Variants in PRKCE observed in about 807,000 individuals in gnomAD.
The protein encoded by PRKCE is protein kinase C epsilon type.
Under a neutral mutation model 85.4 loss-of-function variants are expected in PRKCE, and 16 were observed. The observed-to-expected ratio is 0.19, with a 90% CI of 0.13 to 0.28. PRKCE has a LOEUF of 0.28. Ranked by LOEUF, PRKCE falls within the 10% of genes least tolerant of loss-of-function variation. PRKCE has a pLI of 1.00. For missense variants in PRKCE, 573 were observed against 975.2 expected, an observed-to-expected ratio of 0.59 and a Z score of 5.49; for synonymous variants, 388 against 371.5, an observed-to-expected ratio of 1.04 and a Z score of -0.51.
chr2:45,871,979 C>T (rs1485108860), intron 2 of PRKCE, among the ~76,000 whole-genome samples: 1 of 152,154 alleles, frequency 6.6e-6, no homozygotes, highest in Non-Finnish European at 1.5e-5. Flanking sequence ...TGTGACAGTA[C>T]CCTATGCCAG....
intron 1 of PRKCE, among the ~76,000 whole-genome samples, chr2:45,819,521 G>A (rs891362260): frequency 6.6e-5 from 10 of 152,206 alleles, no homozygotes; most frequent in African/African-American, 2.2e-4. Context: ...TGTGGTTTCA[G>A]GGATGATTCT....
intron 2 of PRKCE, among the ~76,000 whole-genome samples, chr2:45,868,016 G>A (rs62127220): frequency 0.066 from 10,051 of 151,974 alleles, 431 homozygotes; most frequent in South Asian, 0.2. Context: ...CCTCATTCCC[G>A]CCAGGTTTTT....
At chr2:45,871,984 T>C (rs1214588507) in intron 2 of PRKCE, among the ~76,000 whole-genome samples, 1 of 152,144 alleles carries the variant, frequency 6.6e-6, no homozygotes. Flanking sequence ...CAGTACCCTA[T>C]GCCAGGCACC....
intron 10 of PRKCE, among the ~76,000 whole-genome samples, chr2:46,062,417 C>T (rs995547065): frequency 3.3e-5 from 5 of 152,192 alleles, no homozygotes; most frequent in African/African-American, 1.2e-4. Flanking sequence ...AAGTGTGCCC[C>T]TTAGGAAGCC....
chr2:45,693,948 G>A (rs1379059650), intron 1 of PRKCE, among the ~76,000 whole-genome samples: 2 of 151,982 alleles, frequency 1.3e-5, no homozygotes, highest in African/African-American at 4.8e-5. Context: ...GAACAGATAG[G>A]GAGTCGTGGT....
chr2:45,938,105 C>T (rs1211142461), intron 2 of PRKCE, among the ~76,000 whole-genome samples: 3 of 152,212 alleles, frequency 2.0e-5, no homozygotes, highest in Non-Finnish European at 4.4e-5. Flanking sequence ...TTCTCAGGAG[C>T]CAGTGTTAGC....
intron 1 of PRKCE, among the ~76,000 whole-genome samples, chr2:45,798,013 G>T (rs1209902456): frequency 6.6e-6 from 1 of 152,164 alleles, no homozygotes. Context: ...TTATACTCCT[G>T]TGAGGAATTC....
chr2:45,706,472 T>C (rs767071503), intron 1 of PRKCE, among the ~76,000 whole-genome samples: 6 of 152,240 alleles, frequency 3.9e-5, no homozygotes, highest in Non-Finnish European at 5.9e-5. Context: ...TCGGAGGAAC[T>C]TGAAGCAGTG....
At chr2:45,935,430 AT>A (rs1467134464) in intron 2 of PRKCE, among the ~76,000 whole-genome samples, 1 of 152,202 alleles carries the variant, frequency 6.6e-6, no homozygotes, top group Non-Finnish European at 1.5e-5. Context: ...ATACTTTAAA[AT>A]TTGCATACTA....
intron 1 of PRKCE, among the ~76,000 whole-genome samples, chr2:45,714,181 G>C (rs1216073385): frequency 6.6e-6 from 1 of 152,212 alleles, no homozygotes; most frequent in South Asian, 2.1e-4. Context: ...GCTCTGATGG[G>C]ACTTAGAGTC....
At chr2:45,830,059 C>A (rs1027688936) in intron 1 of PRKCE, among the ~76,000 whole-genome samples, 1 of 112,880 alleles carries the variant, frequency 8.9e-6, no homozygotes, top group Non-Finnish European at 1.7e-5. Flanking sequence ...GGCGACAGAG[C>A]GAGACTCCGT....
At chr2:45,998,658 T>C (rs1704416688) in intron 6 of PRKCE, among the ~76,000 whole-genome samples, 1 of 152,228 alleles carries the variant, frequency 6.6e-6, no homozygotes, top group Admixed American at 6.5e-5. Flanking sequence ...TTGAAGTCAA[T>C]GATTATTGAT....
intron 1 of PRKCE, among the ~76,000 whole-genome samples, chr2:45,682,804 C>A (rs1435714492): frequency 6.6e-6 from 1 of 152,026 alleles, no homozygotes; most frequent in South Asian, 2.1e-4. Context: ...AACTCCTGAC[C>A]TCAGGTGATT....
chr2:46,112,890 T>A (rs1672408919), intron 11 of PRKCE, among the ~76,000 whole-genome samples: 1 of 152,158 alleles, frequency 6.6e-6, no homozygotes, highest in Admixed American at 6.5e-5. Flanking sequence ...TGTTGCTTTT[T>A]TACTAAAAAG....
rs1457525570 is a variant in PRKCE, at chr2:46,068,359, G to C, written c.1438-17849G>C. Among the ~76,000 whole-genome samples, 2 of 152,096 alleles carry C rather than the reference G, an allele frequency of 1.3e-5. No homozygotes were observed. Among genetic ancestry groups the C allele is most frequent in the Admixed American group, 6.5e-5 (1 of 15,268 alleles). ...GAATTAGGTTTTCTAGAGTAATGGT[G>C]CTCACCCACCTTGGTAGTTCAGACA... is the stretch of plus-strand genomic sequence containing the variant. On this transcript the variant is annotated intron_variant, in intron 10 of 14. Transcript: ENST00000306156. This position sits in a 1 kb window ranked among gnomAD's most constrained non-coding sequence, Gnocchi z 4.3.
rs1191184503 is a variant in PRKCE at position 45,677,414 on chromosome 2, T to TG, written c.348+24968dup. Among the ~76,000 whole-genome samples the TG allele has an allele frequency of 2.0e-5, 3 of 146,838 alleles. No individual in the cohort carries two copies. In the Admixed American group the frequency reaches 2.1e-4, roughly 10 times the overall value. On this transcript the variant is annotated intron_variant, in intron 1 of 14. Coordinates refer to ENST00000306156, the MANE Select transcript of PRKCE (RefSeq NM_005400.3). The stretch of plus-strand genomic sequence containing the variant: ...GCCCAGGCCGGACTGCGGACTGCAG[T>TG]GGCGCAATCTCAGCTCACTGCAAGC...
chr2:46,047,276 T>G (rs1708583589), intron 10 of PRKCE, among the ~76,000 whole-genome samples: 1 of 152,214 alleles, frequency 6.6e-6, no homozygotes, highest in South Asian at 2.1e-4. Context: ...GTACAGGAAA[T>G]CTCATCTCCA....
chr2:45,766,420 GGTTCTACTCT>G, intron 1 of PRKCE, among the ~76,000 whole-genome samples: 1 of 152,136 alleles, frequency 6.6e-6, no homozygotes, highest in Non-Finnish European at 1.5e-5. Flanking sequence ...CTTGAGGGTT[GGTTCTACTCT>G]CTTCTTTTTT....
At chr2:46,136,524 C>T (rs1452270122) in intron 11 of PRKCE, among the ~76,000 whole-genome samples, 2 of 152,148 alleles carry the variant, frequency 1.3e-5, no homozygotes, top group African/African-American at 4.8e-5. Context: ...GTCCCAGTCA[C>T]CTCCCTAGCC....
Sources: allele counts gnomAD v4.1 joint callset (sites outside exome capture counted in the v4.1 genomes callset), GRCh38; gene constraint gnomAD v4.1.1; non-coding constraint Gnocchi (gnomAD v3.1); transcripts MANE v1.5; gene names NCBI Gene and HGNC (gene_info 2026-07-23, HGNC 2026-07-21).